The following NBPF20 variants were observed in gnomAD, a reference collection of about 807,000 sequenced individuals.
NBPF20 encodes the protein NBPF member 20.
A neutral mutation model predicts 68.1 loss-of-function variants in NBPF20; 90 were observed. The ratio of observed to expected loss-of-function variants is 1.32; its 90% confidence interval spans 1.11 to 1.58. The LOEUF is 1.58. Ranked by LOEUF, NBPF20 falls within the 40% of genes most tolerant of loss-of-function variation. The pLI, the probability that NBPF20 is intolerant of heterozygous loss-of-function variation, is 0.00. For synonymous variants in NBPF20, 290 were observed against 228.1 expected (o/e 1.27, Z -2.45); for missense variants, 816 against 601.2 (o/e 1.36, Z -3.74).
At chr1:145,425,565 T>A in the NBPF20 span, among the ~76,000 whole-genome samples, 1 of 152,146 alleles carries the variant, frequency 6.6e-6, no homozygotes, top group Non-Finnish European at 1.5e-5. Context: ...GCCCATAGCC[T>A]GCGGCCAGCT....
At chr1:145,404,615 A>C (rs1285135938) in intron 2 of NBPF20, among the ~76,000 whole-genome samples, 1 of 151,856 alleles carries the variant, frequency 6.6e-6, no homozygotes, top group Non-Finnish European at 1.5e-5. Context: ...TTAGGAGCAG[A>C]CTCCTCTTGA....
At chr1:145,415,322 T>C in the NBPF20 span, among the ~76,000 whole-genome samples, 2 of 151,980 alleles carry the variant, frequency 1.3e-5, no homozygotes, top group African/African-American at 4.8e-5. Context: ...CACCGAGACA[T>C]TCCATTGCCC....
chr1:145,394,339 G>A (rs1265057983), intron 8 of NBPF20, among the ~76,000 whole-genome samples: 9 of 151,872 alleles, frequency 5.9e-5, no homozygotes, highest in Non-Finnish European at 1.2e-4. Flanking sequence ...ATGAAGGGGT[G>A]CAATGTACCA....
chr1:145,402,714 T>TA (rs1662580682), intron 3 of NBPF20, among the ~76,000 whole-genome samples: 1 of 148,810 alleles, frequency 6.7e-6, no homozygotes. Context: ...AAAATACACA[T>TA]AGTGCATCTT....
At chr1:145,394,104 G>T (rs1366808475) in intron 8 of NBPF20, among the ~76,000 whole-genome samples, 169 bp from the exon 14 acceptor site, 1 of 152,028 alleles carries the variant, frequency 6.6e-6, no homozygotes, top group African/African-American at 2.4e-5. Context: ...GAGAAAACTG[G>T]CTTGGGTTCT....
upstream of NBPF20, among the ~76,000 whole-genome samples, chr1:145,410,384 G>A (rs1325875920): frequency 6.7e-5 from 10 of 148,586 alleles, no homozygotes; most frequent in Middle Eastern, 3.6e-3. Flanking sequence ...GCGGGATCTC[G>A]GCTCACTGCA....
At chr1:145,411,174 T>G in the NBPF20 span, among the ~76,000 whole-genome samples, 1 of 145,638 alleles carries the variant, frequency 6.9e-6, no homozygotes, top group African/African-American at 2.5e-5. Flanking sequence ...GCTTGTAAAT[T>G]TCTACCAAAA....
intron 13 of NBPF20, among the ~76,000 whole-genome samples, 191 bp from the exon 19 acceptor site, chr1:145,390,307 CAGAT>C (rs1230815303): frequency 6.5e-5 from 4 of 61,702 alleles, no homozygotes; most frequent in South Asian, 6.6e-4. Flanking sequence ...AAGAGAAAGA[CAGAT>C]AGACACACAC....
chr1:145,408,501 C>A (rs1662896546), upstream of NBPF20, among the ~76,000 whole-genome samples: 2 of 152,020 alleles, frequency 1.3e-5, no homozygotes, highest in Admixed American at 1.3e-4. Context: ...TACACCATTA[C>A]TACTGTTTTA....
At chr1:145,423,811 TG>T in the NBPF20 span, among the ~76,000 whole-genome samples, 1 of 152,142 alleles carries the variant, frequency 6.6e-6, no homozygotes, top group Non-Finnish European at 1.5e-5. Context: ...CCCTGCTAAA[TG>T]GTACAATCAC....
upstream of NBPF20, among the ~76,000 whole-genome samples, chr1:145,406,065 C>T (rs782814478): frequency 1.3e-5 from 2 of 150,494 alleles, no homozygotes; most frequent in African/African-American, 4.9e-5. Context: ...AATACAGGCA[C>T]CCGCCACCAC....
chr1:145,291,974 G>C (rs1428631342), intron 137 of NBPF20, among the ~76,000 whole-genome samples: 8 of 150,070 alleles, frequency 5.3e-5, no homozygotes, highest in African/African-American at 7.6e-5. Flanking sequence ...CAGAGAGAGA[G>C]AGACAGAGAC....
At chr1:145,402,782 T>C (rs1197964421) in intron 3 of NBPF20, among the ~76,000 whole-genome samples, 1 of 147,852 alleles carries the variant, frequency 6.8e-6, no homozygotes, top group Non-Finnish European at 1.5e-5. Context: ...ATGGGGCGAA[T>C]TGAAAAGACG....
intron 1 of NBPF20, 46 bp from the exon 7 acceptor site, chr1:145,405,353 A>T: frequency 6.7e-7 from 1 of 1,486,392 alleles, no homozygotes; most frequent in Non-Finnish European, 9.3e-7. Context: ...AAACTGGTGA[A>T]ATCAAATAGG....
At chr1:145,295,082 T>C (rs1558963461) in intron 133 of NBPF20, 128 bp from the exon 139 acceptor site, 1 of 534,174 alleles carries the variant, frequency 1.9e-6, no homozygotes, top group Non-Finnish European at 3.1e-6. Context: ...AATGAGGTAA[T>C]GAATTATTGC....
At chr1:145,292,670 C>G (rs1330375286) in intron 136 of NBPF20, among the ~76,000 whole-genome samples, 181 bp from the exon 142 acceptor site, 1 of 147,088 alleles carries the variant, frequency 6.8e-6, no homozygotes, top group South Asian at 2.1e-4. Flanking sequence ...GTTTTTCTCC[C>G]AGAAACTGTG....
chr1:145,394,728 C>T (rs1363318757), intron 8 of NBPF20, among the ~76,000 whole-genome samples: 5 of 151,832 alleles, frequency 3.3e-5, no homozygotes, highest in South Asian at 4.1e-4. Context: ...GCCTTGAGTT[C>T]AATGTCGTGA....
intron 136 of NBPF20, among the ~76,000 whole-genome samples, chr1:145,292,702 T>C (rs1433083529): frequency 1.4e-5 from 2 of 144,324 alleles, no homozygotes; most frequent in Non-Finnish European, 3.0e-5. Context: ...CCTATTCTAG[T>C]AGATCGTTAT....
In NBPF20 at chr1:145,292,230, A is replaced by G. The variant is rs1553658052; in HGVS notation, c.16697+151T>C. 4.4e-6 allele frequency: 3 copies of G among 680,804 alleles called. No homozygotes were observed. The African/African-American group carries it at 5.7e-5, about 13-fold the overall frequency. 42.2% of individuals were successfully genotyped at this position (680,804 alleles called of 1,614,324 possible). ...AAGGGGAGGAAGAAATGGAAACCTA[A>G]ACATCTACTGCAATGAAAACCAACA... On this transcript the variant is annotated intron_variant, in intron 137 of 137. Transcript: ENST00000369373.
Sources: gnomAD v4.1 joint callset for allele counts (sites outside exome capture counted in the v4.1 genomes callset) on GRCh38, gnomAD v4.1.1 for gene constraint, MANE v1.5 for transcripts, NCBI Gene and HGNC (gene_info 2026-07-23, HGNC 2026-07-21) for gene names.